STXBP5L: variants seen among roughly 807,000 people sequenced by gnomAD.
STXBP5L encodes syntaxin binding protein 5L.
In STXBP5L, 65 loss-of-function variants were observed where a neutral mutation model predicts 144.5. The ratio of observed to expected loss-of-function variants is 0.45; its 90% confidence interval spans 0.37 to 0.55. The LOEUF is 0.55. Ranked by LOEUF, STXBP5L falls within the 20% of genes least tolerant of loss-of-function variation. The probability of loss-of-function intolerance (pLI) is 0.00; values close to 1 mark genes in which losing one functional copy is unlikely to be tolerated. For synonymous variants in STXBP5L, 505 were observed against 469.6 expected (o/e 1.08, Z -0.97); for missense variants, 1,298 against 1,405.5 (o/e 0.92, Z 1.22).
intron 5 of STXBP5L, among the ~76,000 whole-genome samples, chr3:121,108,733 G>T (rs1238296855): frequency 2.0e-5 from 3 of 152,116 alleles, no homozygotes; most frequent in Admixed American, 2.0e-4. Context: ...CTCATAAAAT[G>T]ATTGATGCAC....
chr3:120,931,647 C>G (rs531074310), intron 2 of STXBP5L, among the ~76,000 whole-genome samples: 1 of 152,148 alleles, frequency 6.6e-6, no homozygotes, highest in Admixed American at 6.5e-5. Context: ...AGCAGGTATG[C>G]TTTAAGAACT....
chr3:121,329,848 A>G (rs1047774111), intron 20 of STXBP5L, among the ~76,000 whole-genome samples: 3 of 152,220 alleles, frequency 2.0e-5, no homozygotes, highest in Non-Finnish European at 4.4e-5. Context: ...TGACACAGCA[A>G]GACCCTGTTC....
chr3:121,023,408 TG>T (rs1430169789), intron 3 of STXBP5L, among the ~76,000 whole-genome samples: 1 of 152,084 alleles, frequency 6.6e-6, no homozygotes. Flanking sequence ...AAAATTCATA[TG>T]GAACCAAAAA....
Position 121,205,993 on chromosome 3 carries a change from C to A in STXBP5L, c.948C>A (p.Cys316Ter). The stretch of plus-strand genomic sequence containing the variant: ...TTCTTAAAGTAGAATACAAGACCTG[C>A]AAAAACAGGTATGCATTTTTACTTT... ...KPILKVEYKTCKNSEPFIIFS... is the reference protein window; with the variant it reads ...KPILKVEYKT Residue 316 changes from cysteine (C) to a stop codon, truncating the protein, a stop_gained, in exon 10 of 27, where the codon TGC (cysteine) becomes TGA (stop). Transcript: ENST00000471454. LOFTEE classifies it high-confidence loss of function. The A allele has an allele frequency of 6.7e-7, 1 of 1,496,586 alleles. No homozygotes were observed. The highest frequency in any genetic ancestry group is 1.5e-5 in the South Asian group (1 of 68,678). 92.7% of individuals were successfully genotyped at this position (1,496,586 alleles called of 1,614,324 possible).
intron 22 of STXBP5L, among the ~76,000 whole-genome samples, chr3:121,397,585 G>A (rs545626287): frequency 6.6e-5 from 10 of 152,122 alleles, no homozygotes; most frequent in South Asian, 6.2e-4. Flanking sequence ...TGGGAACATC[G>A]TCTTTCCACT....
intron 3 of STXBP5L, among the ~76,000 whole-genome samples, chr3:121,030,961 A>G (rs1946326518): frequency 6.6e-6 from 1 of 152,142 alleles, no homozygotes; most frequent in Admixed American, 6.6e-5. Flanking sequence ...AGCTTCCAAG[A>G]GCAACATCGC....
chr3:121,058,600 A>G (rs540658472), intron 5 of STXBP5L, among the ~76,000 whole-genome samples: 2 of 152,318 alleles, frequency 1.3e-5, no homozygotes, highest in South Asian at 4.1e-4. Flanking sequence ...CAACAGTGTA[A>G]AAGTGTTCCT....
chr3:121,269,749 C>G (rs1055012792), intron 18 of STXBP5L, among the ~76,000 whole-genome samples: 4 of 152,126 alleles, frequency 2.6e-5, no homozygotes, highest in African/African-American at 9.7e-5. Context: ...TGAAATGTCT[C>G]AAAGTAGGGA....
chr3:121,090,053 T>A (rs1003746597), intron 5 of STXBP5L, among the ~76,000 whole-genome samples: 1 of 152,188 alleles, frequency 6.6e-6, no homozygotes, highest in Middle Eastern at 3.2e-3. Context: ...ATCTATGTCA[T>A]CTTGCTGCTA....
chr3:120,924,499 C>T (rs1032511608), intron 2 of STXBP5L: 11 of 152,128 alleles, frequency 7.2e-5, no homozygotes, highest in Non-Finnish European at 2.9e-5. Context: ...TCTAAACTAT[C>T]TATCTTAAAT....
intron 20 of STXBP5L, among the ~76,000 whole-genome samples, chr3:121,359,247 C>T (rs2045627127): frequency 6.6e-6 from 1 of 152,000 alleles, no homozygotes; most frequent in African/African-American, 2.4e-5. Context: ...TCCATTTGTA[C>T]GTGATGTTTT....
chr3:121,000,280 A>G (rs947799338), intron 3 of STXBP5L, among the ~76,000 whole-genome samples: 1 of 152,076 alleles, frequency 6.6e-6, no homozygotes, highest in East Asian at 1.9e-4. Flanking sequence ...AAAATTCCAT[A>G]TATCTTATAT....
At chr3:121,318,116 C>G (rs1327410442) in intron 19 of STXBP5L, among the ~76,000 whole-genome samples, 1 of 151,872 alleles carries the variant, frequency 6.6e-6, no homozygotes, top group Non-Finnish European at 1.5e-5. Flanking sequence ...TCTTGCATGT[C>G]AATCAGTTAC....
At chr3:121,392,832 T>TTGA (rs2046628882) in intron 22 of STXBP5L, among the ~76,000 whole-genome samples, 1 of 145,596 alleles carries the variant, frequency 6.9e-6, no homozygotes. Context: ...CAATTGCCCA[T>TTGA]TGATAGACAC....
intron 3 of STXBP5L, among the ~76,000 whole-genome samples, chr3:121,031,378 A>G (rs2107507708): frequency 7.0e-6 from 1 of 142,584 alleles, no homozygotes; most frequent in African/African-American, 2.6e-5. Context: ...ATGTATGTGT[A>G]TATATTTCTA....
intron 5 of STXBP5L, among the ~76,000 whole-genome samples, chr3:121,114,484 A>T (rs2044145996): frequency 6.6e-6 from 1 of 152,194 alleles, no homozygotes; most frequent in Non-Finnish European, 1.5e-5. Context: ...TATGAAATTC[A>T]TGTATTTGAA....
chr3:121,037,231 T>G (rs1265417701), intron 3 of STXBP5L, among the ~76,000 whole-genome samples: 2 of 138,650 alleles, frequency 1.4e-5, no homozygotes, highest in East Asian at 2.0e-4. Context: ...CCACACCTGG[T>G]TTTTTTTTTT....
intron 3 of STXBP5L, among the ~76,000 whole-genome samples, chr3:121,013,657 A>G (rs2108153015): frequency 6.6e-6 from 1 of 152,012 alleles, no homozygotes; most frequent in East Asian, 1.9e-4. Context: ...TGCTGTATGG[A>G]AGGTTTTAGT....
At chr3:121,055,169 A>T in intron 5 of STXBP5L, among the ~76,000 whole-genome samples, 1 of 152,216 alleles carries the variant, frequency 6.6e-6, no homozygotes, top group East Asian at 1.9e-4. Context: ...AGATACATAC[A>T]TATTGTCATG....
Sources: gnomAD v4.1 joint callset for allele counts (sites outside exome capture counted in the v4.1 genomes callset) on GRCh38, gnomAD v4.1.1 for gene constraint, MANE v1.5 for transcripts, NCBI Gene and HGNC (gene_info 2026-07-23, HGNC 2026-07-21) for gene names.